Variants in ATP11A observed in about 807,000 individuals in gnomAD.
ATP11A encodes ATPase phospholipid transporting 11A, also known as phospholipid-transporting ATPase IH.
ATP11A carries 81 observed loss-of-function variants against 154.4 expected under a neutral mutation model. That is an observed-to-expected ratio of 0.52 (90% CI 0.44 to 0.63). The LOEUF (loss-of-function observed/expected upper bound fraction) is 0.63, where lower values mean the gene tolerates loss of function less well. ATP11A is among the 30% of genes least tolerant of loss of function. The probability of loss-of-function intolerance (pLI) is 0.00; values close to 1 mark genes in which losing one functional copy is unlikely to be tolerated. For missense variants in ATP11A, 1,316 were observed against 1,474.3 expected, an observed-to-expected ratio of 0.89 and a Z score of 1.76; for synonymous variants, 623 against 585.9, an observed-to-expected ratio of 1.06 and a Z score of -0.91.
At chr13:112,692,063 A>G (rs1388524635) in intron 1 of ATP11A, among the ~76,000 whole-genome samples, 1 of 152,200 alleles carries the variant, frequency 6.6e-6, no homozygotes, top group Non-Finnish European at 1.5e-5. Flanking sequence ...TGGTAACGTT[A>G]TAGAAGACCC....
intron 1 of ATP11A, among the ~76,000 whole-genome samples, chr13:112,702,982 C>T (rs550203795): frequency 3.3e-5 from 5 of 152,294 alleles, no homozygotes; most frequent in South Asian, 2.1e-4. Context: ...ACATTGTTTA[C>T]GACATGATTC....
At chr13:112,734,658 T>C (rs1223674735) in intron 1 of ATP11A, among the ~76,000 whole-genome samples, 1 of 152,154 alleles carries the variant, frequency 6.6e-6, no homozygotes, top group Non-Finnish European at 1.5e-5. Flanking sequence ...TTTCATAAAT[T>C]AGTGGTTTTC....
intron 1 of ATP11A, among the ~76,000 whole-genome samples, chr13:112,763,502 G>A (rs1388837473): frequency 2.0e-5 from 3 of 152,120 alleles, no homozygotes; most frequent in African/African-American, 4.8e-5. Flanking sequence ...TTTTGAAATG[G>A]CCCCTCACAG....
In ATP11A at chr13:112,777,502, T is replaced by C. The variant is rs146338598; in HGVS notation, c.40-7633T>C. 9.3e-4 allele frequency among the ~76,000 whole-genome samples: 142 copies of C among 152,282 alleles called. 1 individual carries two copies. Among genetic ancestry groups the C allele is most frequent in the Admixed American group, 1.8e-3 (28 of 15,308 alleles). On this transcript the variant is annotated intron_variant, in intron 1 of 29. Coordinates refer to ENST00000375645, the MANE Select transcript of ATP11A (RefSeq NM_015205.3). The stretch of plus-strand genomic sequence containing the variant: ...TGGCTTGAACCCGGGAGGCGAAGGT[T>C]GCAGTGTGCCGAGATCACGCCATTG...
intron 1 of ATP11A, among the ~76,000 whole-genome samples, chr13:112,707,514 C>CAACT (rs758769712): frequency 7.2e-5 from 11 of 151,856 alleles, no homozygotes; most frequent in Non-Finnish European, 1.3e-4. Flanking sequence ...TGACAACGAC[C>CAACT]AACTGAGAGC....
At position 112,746,257 on chromosome 13, in the gene ATP11A, C is replaced by T. The variant is rs1322281622; in HGVS notation, c.40-38878C>T. The T allele has an allele frequency of 6.6e-6, 1 of 152,204 alleles. No individual in the cohort carries two copies. The highest frequency in any genetic ancestry group is 1.9e-4 in the East Asian group (1 of 5,200). The allele number at this position is 152,204 out of a possible 1,614,324, so 9.4% of individuals were successfully genotyped here. A position where few individuals can be genotyped will look rare whatever the true frequency, so the allele number is the denominator to read the frequency against. ...TATGTTTAATTCTCTGAGGAACCTC[C>T]GTGCTGTCTCCATAGCAGCCGTGTC... On this transcript the variant is annotated intron_variant, in intron 1 of 29. Transcript: ENST00000375645. This position sits in a 1 kb window ranked among gnomAD's most constrained non-coding sequence, Gnocchi z 4.1.
At chr13:112,774,557 C>T (rs1312966508) in intron 1 of ATP11A, among the ~76,000 whole-genome samples, 1 of 151,542 alleles carries the variant, frequency 6.6e-6, no homozygotes. Flanking sequence ...TGCACCCACT[C>T]ACAAAAGACG....
chr13:112,831,935 A>G (rs979616399), intron 13 of ATP11A, among the ~76,000 whole-genome samples: 2 of 136,398 alleles, frequency 1.5e-5, no homozygotes, highest in African/African-American at 6.2e-5. Context: ...ACACACAGAC[A>G]CACATGCACA....
At chr13:112,788,133 T>G (rs181958618) in intron 2 of ATP11A, among the ~76,000 whole-genome samples, 1 of 150,444 alleles carries the variant, frequency 6.6e-6, no homozygotes, top group Admixed American at 6.6e-5. Flanking sequence ...CCACACCGGG[T>G]GTCCTGATGT....
intron 1 of ATP11A, among the ~76,000 whole-genome samples, chr13:112,780,876 G>C (rs898643497): frequency 4.6e-5 from 7 of 152,168 alleles, no homozygotes; most frequent in Non-Finnish European, 8.8e-5. Flanking sequence ...GCTGCGAGGA[G>C]TTGCACAGGG....
intron 17 of ATP11A, among the ~76,000 whole-genome samples, chr13:112,847,315 C>A (rs1018193309): frequency 1.3e-5 from 2 of 152,204 alleles, no homozygotes; most frequent in Admixed American, 6.5e-5. Flanking sequence ...GCTGTCATAT[C>A]GAAGAAACTG....
chr13:112,858,741 T>A (rs967413729), intron 22 of ATP11A: 2 of 162,610 alleles, frequency 1.2e-5, no homozygotes, highest in African/African-American at 4.8e-5. Flanking sequence ...TATGACACAA[T>A]AATATATTTT....
chr13:112,805,301 A>C (rs2078289913), intron 3 of ATP11A, among the ~76,000 whole-genome samples: 1 of 152,180 alleles, frequency 6.6e-6, no homozygotes. Context: ...CTAGTACCAG[A>C]GGGGAAATCA....
chr13:112,851,399 C>A, intron 18 of ATP11A, 181 bp downstream of exon 18: 1 of 498,250 alleles, frequency 2.0e-6, no homozygotes. Flanking sequence ...GAAGGTCATG[C>A]CTGGGGGATA....
At chr13:112,743,798 C>T (rs1373149385) in intron 1 of ATP11A, among the ~76,000 whole-genome samples, 1 of 152,184 alleles carries the variant, frequency 6.6e-6, no homozygotes, top group African/African-American at 2.4e-5. Flanking sequence ...TTGTTTATTT[C>T]CTGTGGTCTC....
Position 112,851,199 on chromosome 13 carries a change from G to T in ATP11A, c.1972G>T (p.Ala658Ser). The T allele has an allele frequency of 6.2e-7, 1 of 1,613,770 alleles. No individual in the cohort carries two copies. The stretch of plus-strand genomic sequence containing the variant: ...AGAGAAAGATCTTACTCTGCTTGGT[G>T]CTACAGCTGTTGAGGACCGGTAAAG... Reference protein sequence around the residue: ...QIEKDLTLLGATAVEDRLQEK... With the variant: ...QIEKDLTLLGSTAVEDRLQEK... Residue 658 changes from alanine to serine, a missense_variant, in exon 18 of 30, where the codon GCT (alanine) becomes TCT (serine). Transcript: ENST00000375645.
intron 25 of ATP11A, among the ~76,000 whole-genome samples, chr13:112,864,435 G>C (rs143589294): frequency 0.013 from 390 of 29,166 alleles, 20 homozygotes; most frequent in Middle Eastern, 0.091. Flanking sequence ...TCACCACATG[G>C]GCAGTAATTC....
chr13:112,696,532 G>A lies in ATP11A; in HGVS notation c.39+6077G>A, dbSNP rs1335339507. Among the ~76,000 whole-genome samples the A allele has an allele frequency of 6.6e-6, 1 of 152,118 alleles. No individual in the cohort carries two copies. The highest frequency in any genetic ancestry group is 1.5e-5 in the Non-Finnish European group (1 of 68,022). ...TCTGAGTGACACTGTCTGCCCTGCT[G>A]CTTGCCGTCCCGCTGTTGGCACCGC... On this transcript the variant is annotated intron_variant, in intron 1 of 29. Transcript: ENST00000375645. This position sits in a 1 kb window ranked among gnomAD's most constrained non-coding sequence, Gnocchi z 6.2.
chr13:112,716,493 C>T (rs1230726223), intron 1 of ATP11A, among the ~76,000 whole-genome samples: 1 of 152,194 alleles, frequency 6.6e-6, no homozygotes, highest in East Asian at 1.9e-4. Flanking sequence ...TCCTGGTAGG[C>T]ATCCCCTCCG....
Sources: gnomAD v4.1 joint callset for allele counts (sites outside exome capture counted in the v4.1 genomes callset) on GRCh38, gnomAD v4.1.1 for gene constraint, Gnocchi (gnomAD v3.1) non-coding constraint, MANE v1.5 for transcripts, NCBI Gene and HGNC (gene_info 2026-07-23, HGNC 2026-07-21) for gene names.